The following PIR variants were observed in gnomAD, a reference collection of about 807,000 sequenced individuals.
PIR encodes pirin.
PIR carries 22 observed loss-of-function variants against 24.2 expected under a neutral mutation model. That is an observed-to-expected ratio of 0.91 (90% CI 0.65 to 1.30). The LOEUF is 1.30. Among genes scored for constraint, PIR ranks in the 50% most tolerant of loss-of-function variants. PIR has a pLI of 0.00. For synonymous variants in PIR, 80 were observed against 79.6 expected, an observed-to-expected ratio of 1.00 and a Z score of -0.03; for missense variants, 220 against 220.3, an observed-to-expected ratio of 1.00 and a Z score of 0.01.
chrX:15,408,252 C>T (rs1038530475), intron 6 of PIR, among the ~76,000 whole-genome samples: 3 of 111,759 alleles, frequency 2.7e-5, no homozygotes, highest in African/African-American at 6.5e-5. Flanking sequence ...CCACCGTACC[C>T]GGCCTGCTTT....
chrX:15,402,287 C>CT (rs1318183141), intron 7 of PIR, among the ~76,000 whole-genome samples: 1 of 112,004 alleles, frequency 8.9e-6, no homozygotes, highest in African/African-American at 3.2e-5. Context: ...GAAGCATTTT[C>CT]TTTTAAAAGC....
intron 5 of PIR, 119 bp from the exon 6 acceptor site, chrX:15,426,109 G>A: frequency 6.5e-6 from 3 of 459,822 alleles, no homozygotes; most frequent in Non-Finnish European, 3.8e-6. Flanking sequence ...GTTCCTCCTA[G>A]GGAAGTGTTA....
intron 8 of PIR, 107 bp downstream of exon 8, chrX:15,397,342 T>A: frequency 1.8e-6 from 1 of 551,790 alleles, no homozygotes. Flanking sequence ...TAATTTCTTC[T>A]CCAAGGAAGA....
chrX:15,442,457 A>G (rs192701956), intron 5 of PIR, among the ~76,000 whole-genome samples: 281 of 111,469 alleles, frequency 2.5e-3, no homozygotes, highest in African/African-American at 7.8e-3. Flanking sequence ...TTCAGGAGAA[A>G]GAAAGAGTCA....
chrX:15,443,533 T>C (rs1307562408), intron 5 of PIR, among the ~76,000 whole-genome samples: 1 of 111,678 alleles, frequency 9.0e-6, no homozygotes, highest in Non-Finnish European at 1.9e-5. Flanking sequence ...TTGATATTAA[T>C]CATCATCAAT....
At chrX:15,432,177 A>G (rs1925532582) in intron 5 of PIR, among the ~76,000 whole-genome samples, 1 of 111,510 alleles carries the variant, frequency 9.0e-6, no homozygotes, top group Non-Finnish European at 1.9e-5. Flanking sequence ...TCTGCTCATT[A>G]ACCTATTTAA....
intron 5 of PIR, among the ~76,000 whole-genome samples, chrX:15,428,996 T>C (rs959559317): frequency 8.9e-6 from 1 of 112,071 alleles, no homozygotes; most frequent in Non-Finnish European, 1.9e-5. Context: ...TTTCTCAGAC[T>C]AGAGCTAAAG....
chrX:15,469,699 A>G (rs1187019000), intron 3 of PIR, among the ~76,000 whole-genome samples: 4 of 111,657 alleles, frequency 3.6e-5, no homozygotes, highest in Non-Finnish European at 7.5e-5. Context: ...GTAGTAAGTT[A>G]TAAGCGACTG....
chrX:15,423,267 A>G (rs886096635), intron 6 of PIR, among the ~76,000 whole-genome samples: 1 of 112,213 alleles, frequency 8.9e-6, no homozygotes, highest in African/African-American at 3.2e-5. Flanking sequence ...CAAAGCAAAA[A>G]TAGACAAATG....
chrX:15,390,293 T>G (rs747195096), intron 8 of PIR, 42 bp from the exon 9 acceptor site: 2 of 772,401 alleles, frequency 2.6e-6, no homozygotes, highest in Non-Finnish European at 3.8e-6. Context: ...AGCAGGCTTA[T>G]TTTTGAAGAT....
intron 8 of PIR, among the ~76,000 whole-genome samples, chrX:15,390,537 C>T (rs16979899): frequency 0.01 from 1,167 of 111,394 alleles, 12 homozygotes; most frequent in African/African-American, 0.036. Context: ...AATATCTTCA[C>T]GACAAACCAT....
chrX:15,465,099 C>G (rs1043036214), intron 3 of PIR, among the ~76,000 whole-genome samples: 5 of 111,529 alleles, frequency 4.5e-5, no homozygotes, highest in African/African-American at 9.8e-5. Context: ...AGTTATCCCC[C>G]CTTTCCTCTA....
intron 6 of PIR, among the ~76,000 whole-genome samples, chrX:15,425,162 T>A (rs1925264508): frequency 9.0e-6 from 1 of 111,002 alleles, no homozygotes; most frequent in Admixed American, 9.6e-5. Context: ...TGTATCTCAA[T>A]CAAGTATGCA....
intron 7 of PIR, among the ~76,000 whole-genome samples, chrX:15,398,779 A>G (rs1924280650): frequency 9.3e-6 from 1 of 107,213 alleles, no homozygotes; most frequent in African/African-American, 3.4e-5. Flanking sequence ...GGAGGGGACA[A>G]CACTGAAGTT....
chrX:15,469,629 G>A (rs757139689), intron 3 of PIR, among the ~76,000 whole-genome samples: 62 of 111,418 alleles, frequency 5.6e-4, no homozygotes, highest in African/African-American at 2.0e-3. Context: ...AGAAATTTGG[G>A]GGAAAAAATT....
At chrX:15,416,793 T>G (rs888856527) in intron 6 of PIR, among the ~76,000 whole-genome samples, 3 of 110,832 alleles carry the variant, frequency 2.7e-5, no homozygotes, top group Middle Eastern at 4.2e-3. Flanking sequence ...TAGAGCCCCA[T>G]GTGGCCAAAA....
chrX:15,417,318 A>G (rs1924958340), intron 6 of PIR, among the ~76,000 whole-genome samples: 1 of 112,541 alleles, frequency 8.9e-6, no homozygotes, highest in South Asian at 3.7e-4. Flanking sequence ...AAGACAATAC[A>G]TGTTGTTCTA....
intron 2 of PIR, among the ~76,000 whole-genome samples, chrX:15,487,512 T>C (rs1922902217): frequency 8.9e-6 from 1 of 112,330 alleles, no homozygotes. Flanking sequence ...AGATTCGTCA[T>C]ACTATTTCTC....
At chrX:15,483,130 C>T (rs1983505765) in intron 2 of PIR, among the ~76,000 whole-genome samples, 1 of 89,437 alleles carries the variant, frequency 1.1e-5, no homozygotes, top group Non-Finnish European at 2.2e-5. Flanking sequence ...ATGAAAAAAA[C>T]ATGCACACAT....
Sources: allele counts gnomAD v4.1 joint callset (sites outside exome capture counted in the v4.1 genomes callset), GRCh38; gene constraint gnomAD v4.1.1; transcripts MANE v1.5; gene names NCBI Gene and HGNC (gene_info 2026-07-23, HGNC 2026-07-21).